The following GARRE1 variants were observed in gnomAD, a reference collection of about 807,000 sequenced individuals.
The protein encoded by GARRE1 is granule associated Rac and RHOG effector 1, also known as granule associated Rac and RHOG effector protein 1.
Under a neutral mutation model 103.2 loss-of-function variants are expected in GARRE1, and 49 were observed. The ratio of observed to expected loss-of-function variants is 0.47; its 90% CI spans 0.38 to 0.60. GARRE1 has a LOEUF of 0.60. GARRE1 is among the 20% of genes least tolerant of loss of function. GARRE1 has a pLI of 0.00. For synonymous variants in GARRE1, 505 were observed against 532.8 expected, an observed-to-expected ratio of 0.95 and a Z score of 0.72; for missense variants, 1,199 against 1,370.5, an observed-to-expected ratio of 0.87 and a Z score of 1.98.
intron 2 of GARRE1, among the ~76,000 whole-genome samples, chr19:34,304,542 A>AT (rs1348109592): frequency 6.7e-6 from 1 of 149,414 alleles, no homozygotes; most frequent in African/African-American, 2.5e-5. Flanking sequence ...CACCTGGCTA[A>AT]TTTTTTTTGT....
intron 1 of GARRE1, among the ~76,000 whole-genome samples, chr19:34,286,166 AAC>A (rs2073884851): frequency 6.6e-6 from 1 of 152,182 alleles, no homozygotes; most frequent in African/African-American, 2.4e-5. Flanking sequence ...CAAACAAACA[AAC>A]AAAACAAAAC....
chr19:34,316,308 C>T (rs185071945), intron 2 of GARRE1, among the ~76,000 whole-genome samples: 45 of 152,304 alleles, frequency 3.0e-4, no homozygotes, highest in African/African-American at 1.1e-3. Flanking sequence ...CTGCCTTTGG[C>T]CACTCTGCTC....
intron 1 of GARRE1, among the ~76,000 whole-genome samples, chr19:34,274,662 T>C (rs942606141): frequency 4.7e-4 from 72 of 152,170 alleles, no homozygotes; most frequent in African/African-American, 1.7e-3. Flanking sequence ...TTGGGAATCT[T>C]CCCAGAAGGA....
chr19:34,304,937 G>T lies in GARRE1; in HGVS notation c.495+3969G>T, dbSNP rs1055290935. On this transcript the variant is annotated intron_variant, in intron 2 of 13. Transcript: ENST00000299505. ...CTCCCGAGTAGCTTGGACTGCAGGCGCCCGCCACCACGCCCGGCTAATTTT... is the reference window on the plus strand; with the variant it reads ...CTCCCGAGTAGCTTGGACTGCAGGCTCCCGCCACCACGCCCGGCTAATTTT... 4.2e-4 allele frequency among the ~76,000 whole-genome samples: 63 copies of T among 151,626 alleles called. 3 individuals are homozygous for T. The highest frequency in any genetic ancestry group is 7.4e-5 in the Non-Finnish European group (5 of 67,878).
At chr19:34,287,095 C>T (rs551615613) in intron 1 of GARRE1, among the ~76,000 whole-genome samples, 5 of 148,224 alleles carry the variant, frequency 3.4e-5, no homozygotes, top group Non-Finnish European at 5.9e-5. Flanking sequence ...GCCGAGATTG[C>T]GCCACTGCAC....
intron 10 of GARRE1, among the ~76,000 whole-genome samples, chr19:34,347,576 G>A (rs2074217788): frequency 6.6e-6 from 1 of 152,150 alleles, no homozygotes; most frequent in African/African-American, 2.4e-5. Flanking sequence ...AAATCTAGTC[G>A]TAGGGAAATC....
chr19:34,309,534 T>A (rs537462982), intron 2 of GARRE1, among the ~76,000 whole-genome samples: 1 of 152,288 alleles, frequency 6.6e-6, no homozygotes, highest in African/African-American at 2.4e-5. Context: ...TCTTGCTGTG[T>A]TGCCCAGGCT....
Position 34,344,681 on chromosome 19 carries a change from C to CT in GARRE1, c.2521+2235dup, listed in dbSNP as rs558304695. Among the ~76,000 whole-genome samples the CT allele has an allele frequency of 1.7e-3, 259 of 150,354 alleles. 1 individual carries two copies. The highest frequency in any genetic ancestry group is 4.1e-3 in the African/African-American group (170 of 41,076). On this transcript the variant is annotated intron_variant, in intron 10 of 13. Transcript: ENST00000299505. ...AATGCTGGGGTTAACACTCCTTTCTCTTTTTTTTTGAGACAGAGTCTCACG... is the reference window on the plus strand; with the variant it reads ...AATGCTGGGGTTAACACTCCTTTCTCTTTTTTTTTTGAGACAGAGTCTCACG...
intron 3 of GARRE1, among the ~76,000 whole-genome samples, chr19:34,320,668 T>TAG (rs1424821742): frequency 1.3e-5 from 2 of 152,128 alleles, no homozygotes; most frequent in Non-Finnish European, 2.9e-5. Flanking sequence ...TCATTCCCTA[T>TAG]AGAAGTGCTT....
intron 8 of GARRE1, among the ~76,000 whole-genome samples, chr19:34,335,782 T>C (rs1311076281): frequency 6.6e-6 from 1 of 152,176 alleles, no homozygotes; most frequent in Non-Finnish European, 1.5e-5. Context: ...TGCTTCGGCC[T>C]CCCAAAGTGC....
intron 1 of GARRE1, among the ~76,000 whole-genome samples, chr19:34,259,374 G>A (rs2073699675): frequency 6.6e-6 from 1 of 152,156 alleles, no homozygotes; most frequent in Non-Finnish European, 1.5e-5. Context: ...GTCCTACTCT[G>A]GATGTGAAAG....
At chr19:34,314,697 G>T (rs1043448639) in intron 2 of GARRE1, among the ~76,000 whole-genome samples, 1 of 152,172 alleles carries the variant, frequency 6.6e-6, no homozygotes, top group Non-Finnish European at 1.5e-5. Flanking sequence ...ACATAGCATG[G>T]CACCTTTTGT....
chr19:34,308,841 C>T (rs186984055), intron 2 of GARRE1, among the ~76,000 whole-genome samples: 2 of 152,302 alleles, frequency 1.3e-5, no homozygotes, highest in East Asian at 1.9e-4. Context: ...AAAATCTCCA[C>T]TTTGCAGACT....
At chr19:34,321,732 T>C (rs537026785) in intron 3 of GARRE1, among the ~76,000 whole-genome samples, 1 of 152,354 alleles carries the variant, frequency 6.6e-6, no homozygotes, top group South Asian at 2.1e-4. Context: ...CACCTTGGCC[T>C]CTGAAAGTGC....
At chr19:34,292,587 T>A (rs10410548) in intron 1 of GARRE1, among the ~76,000 whole-genome samples, 14,753 of 152,178 alleles carry the variant, frequency 0.097, 1,126 homozygotes, top group African/African-American at 0.2. Context: ...TACTTTATTT[T>A]TTTTTTGAGA....
At chr19:34,342,774 G>A (rs974518050) in intron 10 of GARRE1, among the ~76,000 whole-genome samples, 4 of 152,064 alleles carry the variant, frequency 2.6e-5, no homozygotes, top group African/African-American at 9.7e-5. Flanking sequence ...ACTCCCGGCA[G>A]CCAAGGTCAG....
intron 1 of GARRE1, among the ~76,000 whole-genome samples, chr19:34,262,395 A>G (rs1205411190): frequency 1.4e-5 from 2 of 146,070 alleles, no homozygotes; most frequent in Non-Finnish European, 3.0e-5. Flanking sequence ...TCCTGGGTCG[A>G]AGCAATTCTC....
chr19:34,265,156 A>G (rs915242510), intron 1 of GARRE1, among the ~76,000 whole-genome samples: 1 of 152,188 alleles, frequency 6.6e-6, no homozygotes, highest in East Asian at 1.9e-4. Context: ...ATTAAGTACT[A>G]GTGAGATGCT....
At chr19:34,322,860 T>C (rs2074095562) in intron 3 of GARRE1, among the ~76,000 whole-genome samples, 1 of 152,054 alleles carries the variant, frequency 6.6e-6, no homozygotes, top group Non-Finnish European at 1.5e-5. Context: ...AGTGCTGGGA[T>C]TACAGGTGTG....
Sources: gnomAD v4.1 joint callset for allele counts (sites outside exome capture counted in the v4.1 genomes callset) on GRCh38, gnomAD v4.1.1 for gene constraint, MANE v1.5 for transcripts, NCBI Gene and HGNC (gene_info 2026-07-23, HGNC 2026-07-21) for gene names.